The following GALNT13 variants were observed in gnomAD, a reference collection of about 807,000 sequenced individuals.
The protein encoded by GALNT13 is UDP-GalNAc:polypeptide N-acetylgalactosaminyltransferase 13.
GALNT13 carries 28 observed loss-of-function variants against 64.2 expected under a neutral mutation model. That is an observed-to-expected ratio of 0.44 (90% CI 0.32 to 0.60). GALNT13 has a LOEUF of 0.60. Among genes scored for constraint, GALNT13 ranks in the 20% least tolerant of loss-of-function variants. The pLI is 0.05. For synonymous variants in GALNT13, 214 were observed against 224.6 expected (o/e 0.95, Z 0.42); for missense variants, 577 against 669.8 (o/e 0.86, Z 1.53).
chr2:153,409,663 C>T, the GALNT13 span, among the ~76,000 whole-genome samples: 1 of 151,898 alleles, frequency 6.6e-6, no homozygotes, highest in African/African-American at 2.4e-5. Flanking sequence ...AAGCTACACA[C>T]ATAATTACTG....
the GALNT13 span, among the ~76,000 whole-genome samples, chr2:153,069,739 T>A: frequency 6.6e-6 from 1 of 152,092 alleles, no homozygotes. Context: ...TAATTGAAAA[T>A]GGGTTATTTT....
the GALNT13 span, among the ~76,000 whole-genome samples, chr2:153,544,614 A>AT: frequency 1.3e-5 from 2 of 152,192 alleles, no homozygotes; most frequent in Admixed American, 1.3e-4. Context: ...ACTAAGAAAA[A>AT]TTTTTGTCCA....
chr2:153,220,156 T>C, the GALNT13 span, among the ~76,000 whole-genome samples: 4 of 152,198 alleles, frequency 2.6e-5, no homozygotes, highest in Non-Finnish European at 5.9e-5. Context: ...AAAGATTGGC[T>C]ATGTCACAGT....
At chr2:153,222,307 T>TGGGGGGGGGGG in the GALNT13 span, among the ~76,000 whole-genome samples, 4 of 6,316 alleles carry the variant, frequency 6.3e-4, no homozygotes, top group Non-Finnish European at 1.8e-3. Flanking sequence ...TGAGTCTGGC[T>TGGGGGGGGGGG]GGGGGGGGGG....
At chr2:154,202,660 A>G (rs1018970819) in intron 4 of GALNT13, among the ~76,000 whole-genome samples, 2 of 152,118 alleles carry the variant, frequency 1.3e-5, no homozygotes, top group African/African-American at 4.8e-5. Flanking sequence ...TATATTTATT[A>G]ATCTCCCATC....
intron 2 of GALNT13, among the ~76,000 whole-genome samples, chr2:153,924,821 G>A (rs1379575195): frequency 6.6e-6 from 1 of 152,018 alleles, no homozygotes; most frequent in East Asian, 1.9e-4. Flanking sequence ...GTGACGTTGA[G>A]CTTTTTTTCA....
rs190885519 is a variant in GALNT13, at chr2:154,201,824, T to C, written c.312-40206T>C. Among the ~76,000 whole-genome samples the C allele has an allele frequency of 1.1e-3, 171 of 152,244 alleles. 3 individuals are homozygous for C. In the South Asian group the frequency reaches 0.034, roughly 30 times the overall value. The stretch of plus-strand genomic sequence containing the variant: ...GCAAGTATGTCCCAAAAGATAGATA[T>C]GTGTCTGGCAGTGCTTGCCCTTCAC... On this transcript the variant is annotated intron_variant, in intron 4 of 12. Transcript: ENST00000392825.
chr2:154,287,120 A>G (rs1692314129), intron 8 of GALNT13: 2 of 1,218,784 alleles, frequency 1.6e-6, no homozygotes, highest in East Asian at 4.7e-5. Context: ...CATGTCCTTG[A>G]CACATCTGAC....
At chr2:154,043,329 C>A (rs1699089901) in intron 3 of GALNT13, among the ~76,000 whole-genome samples, 1 of 150,070 alleles carries the variant, frequency 6.7e-6, no homozygotes, top group South Asian at 2.1e-4. Context: ...GGGATGCATA[C>A]AGTGTTTGTC....
intron 3 of GALNT13, among the ~76,000 whole-genome samples, chr2:154,041,714 A>C (rs1698988137): frequency 7.1e-6 from 1 of 140,826 alleles, no homozygotes; most frequent in African/African-American, 2.4e-5. Context: ...TATGAAGTAT[A>C]ATTTGTATTT....
At chr2:153,141,459 G>A in the GALNT13 span, among the ~76,000 whole-genome samples, 2 of 151,994 alleles carry the variant, frequency 1.3e-5, no homozygotes, top group Non-Finnish European at 1.5e-5. Flanking sequence ...AGAGGAAGAG[G>A]CCTCCAGACT....
the GALNT13 span, among the ~76,000 whole-genome samples, chr2:153,866,484 C>T: frequency 6.6e-6 from 1 of 151,962 alleles, no homozygotes; most frequent in Non-Finnish European, 1.5e-5. Context: ...TACAAATCAC[C>T]GTCATGGAAA....
At chr2:153,403,683 C>T in the GALNT13 span, among the ~76,000 whole-genome samples, 1 of 152,172 alleles carries the variant, frequency 6.6e-6, no homozygotes, top group Admixed American at 6.5e-5. Context: ...TGGGAGTGAC[C>T]TGATTTTCCA....
At chr2:153,808,200 T>C in the GALNT13 span, among the ~76,000 whole-genome samples, 1 of 152,156 alleles carries the variant, frequency 6.6e-6, no homozygotes, top group African/African-American at 2.4e-5. Context: ...ATTATTTCAT[T>C]CTATACTGAA....
At chr2:153,931,414 T>C (rs1041904880) in intron 2 of GALNT13, among the ~76,000 whole-genome samples, 2 of 151,918 alleles carry the variant, frequency 1.3e-5, no homozygotes, top group African/African-American at 4.8e-5. Flanking sequence ...GGCTTCCTTG[T>C]CTTTTTCTAG....
the GALNT13 span, among the ~76,000 whole-genome samples, chr2:153,674,730 C>A: frequency 6.6e-6 from 1 of 152,040 alleles, no homozygotes. Context: ...AGCTTCTGCA[C>A]AACAAAAGAA....
chr2:153,970,747 G>T (rs1035116001), intron 3 of GALNT13, among the ~76,000 whole-genome samples: 12 of 151,840 alleles, frequency 7.9e-5, no homozygotes, highest in African/African-American at 2.9e-4. Flanking sequence ...TCGATTTTTG[G>T]CAGTTTCATC....
At chr2:154,016,825 A>C (rs961129571) in intron 3 of GALNT13, among the ~76,000 whole-genome samples, 5 of 152,204 alleles carry the variant, frequency 3.3e-5, no homozygotes, top group Admixed American at 2.6e-4. Context: ...GAAATATATC[A>C]ATAATTGAAT....
At chr2:153,228,118 G>A in the GALNT13 span, among the ~76,000 whole-genome samples, 3 of 152,172 alleles carry the variant, frequency 2.0e-5, no homozygotes, top group South Asian at 2.1e-4. Flanking sequence ...AGGGTGTAAT[G>A]CAAAAGGAAA....
Sources: allele counts gnomAD v4.1 joint callset (sites outside exome capture counted in the v4.1 genomes callset), GRCh38; gene constraint gnomAD v4.1.1; transcripts MANE v1.5; gene names NCBI Gene and HGNC (gene_info 2026-07-23, HGNC 2026-07-21).